RALGAPA2: variants seen among roughly 807,000 people sequenced by gnomAD.
RALGAPA2 encodes ral GTPase-activating protein subunit alpha-2.
Under a neutral mutation model 230.4 loss-of-function variants are expected in RALGAPA2, and 139 were observed. The ratio of observed to expected loss-of-function variants is 0.60; its 90% CI spans 0.53 to 0.69. RALGAPA2 has a LOEUF of 0.69. Ranked by LOEUF, RALGAPA2 falls within the 30% of genes least tolerant of loss-of-function variation. The pLI is 0.00. For synonymous variants in RALGAPA2, 847 were observed against 837.8 expected (o/e 1.01, Z -0.19); for missense variants, 2,163 against 2,276.0 (o/e 0.95, Z 1.01).
intron 1 of RALGAPA2, among the ~76,000 whole-genome samples, chr20:20,701,238 A>C (rs1173896613): frequency 6.6e-6 from 1 of 152,252 alleles, no homozygotes; most frequent in Non-Finnish European, 1.5e-5. Flanking sequence ...GATATTCCCT[A>C]TCTCTTTGGG....
intron 37 of RALGAPA2, among the ~76,000 whole-genome samples, chr20:20,449,680 T>G (rs1024508698): frequency 6.6e-6 from 1 of 152,226 alleles, no homozygotes; most frequent in Non-Finnish European, 1.5e-5. Context: ...TAGCTTGTGA[T>G]GCACATGAAC....
intron 36 of RALGAPA2, among the ~76,000 whole-genome samples, chr20:20,485,245 C>G (rs1316164704): frequency 6.6e-6 from 1 of 152,102 alleles, no homozygotes; most frequent in African/African-American, 2.4e-5. Flanking sequence ...CCCCTGTACC[C>G]CTGATAATTT....
intron 37 of RALGAPA2, among the ~76,000 whole-genome samples, chr20:20,465,149 TCACACACA>T (rs74180992): frequency 0.019 from 2,050 of 109,226 alleles, 71 homozygotes; most frequent in African/African-American, 0.067. Flanking sequence ...CCGCAGGCCT[TCACACACA>T]CACACACACA....
Position 20,619,429 on chromosome 20 carries a change from G to A in RALGAPA2, c.1402-15C>T. 6.3e-7 allele frequency: 1 copy of A among 1,584,948 alleles called. No individual in the cohort carries two copies. The highest frequency in any genetic ancestry group is 8.6e-7 in the Non-Finnish European group (1 of 1,162,790). ...TCAGATGAGGCCTTCAGAAGATAAT[G>A]ATCCATTAACAGAGTGGAAGATGCA... On this transcript the variant is annotated splice_polypyrimidine_tract_variant and intron_variant, in intron 11 of 39. Coordinates refer to ENST00000202677, the MANE Select transcript of RALGAPA2 (RefSeq NM_020343.4).
chr20:20,511,223 G>GA, intron 33 of RALGAPA2, 31 bp downstream of exon 33: 1 of 1,555,990 alleles, frequency 6.4e-7, no homozygotes. Context: ...AGACAAACAG[G>GA]AAAAAAGTGG....
At chr20:20,541,742 G>A (rs2063648284) in intron 24 of RALGAPA2, among the ~76,000 whole-genome samples, 1 of 152,222 alleles carries the variant, frequency 6.6e-6, no homozygotes, top group African/African-American at 2.4e-5. Context: ...TGAGGATAAA[G>A]TGGGGCTACT....
intron 20 of RALGAPA2, among the ~76,000 whole-genome samples, chr20:20,573,876 T>C (rs2064734807): frequency 6.6e-6 from 1 of 152,256 alleles, no homozygotes; most frequent in Non-Finnish European, 1.5e-5. Flanking sequence ...TTGGCAATTA[T>C]GAATACAGTT....
At chr20:20,577,450 A>G (rs2064855868) in intron 20 of RALGAPA2, among the ~76,000 whole-genome samples, 1 of 152,190 alleles carries the variant, frequency 6.6e-6, no homozygotes, top group Admixed American at 6.6e-5. Context: ...ACACACCTGT[A>G]GTTCCCACAA....
In RALGAPA2 at chr20:20,591,157, A is replaced by C. The variant is rs779043539; in HGVS notation, c.2341+20T>G. The C allele has an allele frequency of 1.3e-5, 21 of 1,612,098 alleles. No homozygotes were observed. The African/African-American group carries it at 2.7e-4, about 21-fold the overall frequency. ...GCCAGAATCTATAGTTCTGTATTAA[A>C]CACTGAAGACATCATGTACCCTGAG... On this transcript the variant is annotated intron_variant, in intron 17 of 39. Coordinates refer to ENST00000202677, the MANE Select transcript of RALGAPA2 (RefSeq NM_020343.4).
intron 16 of RALGAPA2, among the ~76,000 whole-genome samples, chr20:20,594,361 A>T (rs942193318): frequency 1.2e-4 from 19 of 152,130 alleles, no homozygotes; most frequent in Non-Finnish European, 2.4e-4. Flanking sequence ...AGAGCAATTT[A>T]TGTTAAATCT....
chr20:20,527,234 G>A (rs2063231685), intron 27 of RALGAPA2, among the ~76,000 whole-genome samples: 1 of 152,134 alleles, frequency 6.6e-6, no homozygotes, highest in African/African-American at 2.4e-5. Context: ...GTGCCCCAGT[G>A]ACAAATGTAC....
At chr20:20,539,731 A>C (rs979727961) in intron 24 of RALGAPA2, among the ~76,000 whole-genome samples, 1 of 152,146 alleles carries the variant, frequency 6.6e-6, no homozygotes, top group Admixed American at 6.5e-5. Context: ...GGCATAACTG[A>C]AACTTTTGAT....
At chr20:20,446,545 G>T (rs1032856550) in intron 37 of RALGAPA2, among the ~76,000 whole-genome samples, 1 of 152,218 alleles carries the variant, frequency 6.6e-6, no homozygotes, top group African/African-American at 2.4e-5. Flanking sequence ...AGAAGCAAAA[G>T]AAATGACAGT....
chr20:20,423,758 C>G (rs552247124), intron 37 of RALGAPA2, among the ~76,000 whole-genome samples: 1 of 152,120 alleles, frequency 6.6e-6, no homozygotes. Flanking sequence ...ATGTCACAGC[C>G]TGGTAACAGG....
rs369521093 is a variant in RALGAPA2, at chr20:20,637,464, T to C, written c.704A>G (p.Asp235Gly). The change falls in exon 8 of 40, where the codon GAT becomes GGT. Residue 235 changes from aspartate (D) to glycine (G), a missense_variant. Asp to Gly is a moderately conservative substitution (Grantham distance 94). Coordinates refer to ENST00000202677, the MANE Select transcript of RALGAPA2 (RefSeq NM_020343.4). Reference sequence around the variant, plus strand: ...TGTAAAAAGAAATTTAAAACCAGTATCTTGATTCTCCTTATTCTTCCACTC... The same window carrying C: ...TGTAAAAAGAAATTTAAAACCAGTACCTTGATTCTCCTTATTCTTCCACTC... The part of the protein sequence containing the change: ...SLEWKNKENQ[D>G]TGFKFLFTLF... 6.4e-7 allele frequency: 1 copy of C among 1,571,096 alleles called. No homozygotes were observed. Among genetic ancestry groups the C allele is most frequent in the South Asian group, 1.2e-5 (1 of 85,854 alleles).
intron 38 of RALGAPA2, among the ~76,000 whole-genome samples, chr20:20,405,763 G>C (rs1337595524): frequency 6.6e-6 from 1 of 152,192 alleles, no homozygotes; most frequent in African/African-American, 2.4e-5. Context: ...CTTCTTATCA[G>C]ATTTCTTGTC....
intron 13 of RALGAPA2, among the ~76,000 whole-genome samples, chr20:20,615,786 T>TGATG (rs11471633): frequency 0.96 from 145,412 of 152,166 alleles, 69,559 homozygotes; most frequent in East Asian, 1. Flanking sequence ...AAACTATGTT[T>TGATG]AACGTTTAAA....
At position 20,584,914 on chromosome 20, in the gene RALGAPA2, C is replaced by G. The variant is rs750010180; in HGVS notation, c.2481G>C (p.Leu827Phe). Residue 827 changes from leucine (L) to phenylalanine (F), a missense_variant, in exon 19 of 40, where the codon TTG (leucine) becomes TTC (phenylalanine). By Grantham distance (22) the Leu-to-Phe change is conservative. Transcript: ENST00000202677. ...RRSSSPAELD[L>F]KDDLQQTQGK... ...CTTGTGTCTGCTGCAAATCATCTTT[C>G]AAATCCAATTCAGCAGGGCTGCTGC... is the stretch of plus-strand genomic sequence containing the variant. 6.2e-7 allele frequency: 1 copy of G among 1,611,886 alleles called. No individual in the cohort carries two copies. Among genetic ancestry groups the G allele is most frequent in the African/African-American group, 1.3e-5 (1 of 75,020 alleles).
intron 23 of RALGAPA2, among the ~76,000 whole-genome samples, chr20:20,564,202 G>A (rs1003846788): frequency 6.6e-6 from 1 of 152,068 alleles, no homozygotes; most frequent in Non-Finnish European, 1.5e-5. Context: ...TTATTTCTAC[G>A]CATATATCTG....
Sources: gnomAD v4.1 joint callset for allele counts (sites outside exome capture counted in the v4.1 genomes callset) on GRCh38, gnomAD v4.1.1 for gene constraint, MANE v1.5 for transcripts, NCBI Gene and HGNC (gene_info 2026-07-23, HGNC 2026-07-21) for gene names.